Variants in CCNJL observed in about 807,000 individuals in gnomAD.
The protein encoded by CCNJL is cyclin J like.
In CCNJL, 33 loss-of-function variants were observed where a neutral mutation model predicts 33.4. The observed-to-expected ratio is 0.99, with a 90% CI of 0.75 to 1.32. CCNJL has a LOEUF of 1.32. CCNJL is among the 40% of genes most tolerant of loss of function. The pLI is 0.00. For missense variants in CCNJL, 512 were observed against 499.7 expected (o/e 1.02, Z -0.23); for synonymous variants, 227 against 220.9 (o/e 1.03, Z -0.24).
intron 2 of CCNJL, among the ~76,000 whole-genome samples, chr5:160,303,380 A>G (rs1402058760): frequency 2.0e-5 from 3 of 151,988 alleles, no homozygotes; most frequent in African/African-American, 7.2e-5. Context: ...TAATTTTTGT[A>G]GTTTTAGTAG....
chr5:160,281,890 A>C (rs898762208), intron 2 of CCNJL, among the ~76,000 whole-genome samples: 5 of 152,186 alleles, frequency 3.3e-5, no homozygotes, highest in Non-Finnish European at 7.3e-5. Flanking sequence ...CCTGACCTCA[A>C]GCGATCCTTC....
chr5:160,262,285 TCCTCCTCC>T (rs934686474), intron 3 of CCNJL, among the ~76,000 whole-genome samples: 1 of 152,152 alleles, frequency 6.6e-6, no homozygotes, highest in African/African-American at 2.4e-5. Flanking sequence ...CAGATTAGTT[TCCTCCTCC>T]CCTCCTCGCT....
At chr5:160,284,899 C>T (rs1476358516) in intron 2 of CCNJL, among the ~76,000 whole-genome samples, 2 of 151,948 alleles carry the variant, frequency 1.3e-5, no homozygotes, top group African/African-American at 4.8e-5. Context: ...CTTGGGCTTA[C>T]CAGAAAACTT....
At chr5:160,277,086 C>T (rs1232611655) in intron 3 of CCNJL, among the ~76,000 whole-genome samples, 1 of 152,136 alleles carries the variant, frequency 6.6e-6, no homozygotes, top group Non-Finnish European at 1.5e-5. Context: ...AGCCACCGTG[C>T]CTGGTTGTAT....
intron 2 of CCNJL, among the ~76,000 whole-genome samples, chr5:160,285,374 C>A (rs564796822): frequency 6.6e-6 from 1 of 152,080 alleles, no homozygotes; most frequent in African/African-American, 2.4e-5. Flanking sequence ...TACTTCAGCA[C>A]CCCAGTGTGA....
chr5:160,308,514 T>C (rs1309441593), intron 2 of CCNJL, among the ~76,000 whole-genome samples: 5 of 152,152 alleles, frequency 3.3e-5, no homozygotes, highest in African/African-American at 1.2e-4. Context: ...TCCCAGGACT[T>C]TGGGAGGCCG....
chr5:160,321,120 TC>T (rs1763457710), intron 1 of CCNJL, among the ~76,000 whole-genome samples: 2 of 150,040 alleles, frequency 1.3e-5, no homozygotes, highest in South Asian at 4.2e-4. Flanking sequence ...CTCTTTTTTT[TC>T]CACCATGTGG....
chr5:160,321,014 CTTTCTTTCTT>C (rs1438964426), intron 1 of CCNJL, among the ~76,000 whole-genome samples: 2,927 of 34,914 alleles, frequency 0.084, 35 homozygotes, highest in Non-Finnish European at 0.1. Flanking sequence ...CTCTCTCTCT[CTTTCTTTCTT>C]TCTTTCTTTC....
Position 160,253,397 on chromosome 5 carries a change from G to A in CCNJL, c.1145C>T (p.Thr382Ile). The A allele has an allele frequency of 6.3e-7, 1 of 1,587,902 alleles. No homozygotes were observed. The highest frequency in any genetic ancestry group is 8.6e-7 in the Non-Finnish European group (1 of 1,164,334). The change falls in exon 6 of 6, where the codon ACC becomes ATC. Residue 382 changes from threonine (T) to isoleucine (I), a missense_variant. Thr to Ile is a moderately conservative substitution (Grantham distance 89, BLOSUM62 -1). Transcript: ENST00000257536. ...GGTGGCCTATCTGTCAAAGCAGCCG[G>A]TGGGGAACATGTGGCTCCCACTGAA... ...SYFSGSHMFP[T>I]GCFDR
intron 4 of CCNJL, among the ~76,000 whole-genome samples, chr5:160,257,368 G>A (rs1317089206): frequency 6.6e-6 from 1 of 152,082 alleles, no homozygotes; most frequent in Non-Finnish European, 1.5e-5. Context: ...CCAGCTACTC[G>A]GGAGGCTGAG....
intron 2 of CCNJL, among the ~76,000 whole-genome samples, chr5:160,309,194 T>G (rs550841760): frequency 5.9e-5 from 9 of 152,338 alleles, no homozygotes; most frequent in Admixed American, 4.6e-4. Flanking sequence ...GAATGGATGA[T>G]AGGGGCCAGA....
At chr5:160,270,563 T>A (rs2113301993) in intron 3 of CCNJL, among the ~76,000 whole-genome samples, 1 of 151,978 alleles carries the variant, frequency 6.6e-6, no homozygotes, top group Middle Eastern at 3.4e-3. Context: ...AGTGACAGAG[T>A]GAGATCCTGC....
intron 2 of CCNJL, among the ~76,000 whole-genome samples, chr5:160,289,261 G>A (rs1561794885): frequency 6.6e-6 from 1 of 152,160 alleles, no homozygotes; most frequent in South Asian, 2.1e-4. Context: ...CATGAGGGAC[G>A]GAGCTGCTTT....
chr5:160,307,029 T>C (rs1763115705), intron 2 of CCNJL, among the ~76,000 whole-genome samples: 1 of 152,262 alleles, frequency 6.6e-6, no homozygotes. Flanking sequence ...CAGTCAATGC[T>C]GTGCCCACAC....
rs1235676969 is a variant in CCNJL, at chr5:160,249,661, G to A, written c.*3717C>T. ...GCCTGTAGTCCCAGCTACTCAGGAG[G>A]CTGAGGTGGGAGGATCACTTGAGCC... is the stretch of plus-strand genomic sequence containing the variant. On this transcript the variant is annotated 3_prime_UTR_variant, in exon 6 of 6. Coordinates refer to ENST00000257536, the MANE Select transcript of CCNJL (RefSeq NM_001308173.3). 6.6e-6 allele frequency: 1 copy of A among 152,026 alleles called. No individual in the cohort carries two copies. The highest frequency in any genetic ancestry group is 2.4e-5 in the African/African-American group (1 of 41,380). 9.4% of individuals were successfully genotyped at this position (152,026 alleles called of 1,614,324 possible). A position where few individuals can be genotyped will look rare whatever the true frequency, so the allele number is the denominator to read the frequency against.
chr5:160,277,273 T>TC (rs1561786535), intron 3 of CCNJL, among the ~76,000 whole-genome samples: 6 of 152,072 alleles, frequency 3.9e-5, no homozygotes, highest in Admixed American at 2.6e-4. Context: ...GTGCCTGGCA[T>TC]GGGGTCCAGC....
intron 2 of CCNJL, among the ~76,000 whole-genome samples, chr5:160,300,227 C>T (rs182830717): frequency 1.5e-3 from 228 of 152,232 alleles, no homozygotes; most frequent in Admixed American, 3.4e-3. Context: ...ATTCTGCCTC[C>T]GAAGGATCCA....
intron 1 of CCNJL, among the ~76,000 whole-genome samples, chr5:160,337,177 A>T (rs1300285713): frequency 5.0e-5 from 7 of 139,528 alleles, no homozygotes; most frequent in African/African-American, 8.0e-5. Context: ...CAAATTTTTG[A>T]TTTTTTTTTT....
At chr5:160,259,309 T>C (rs547947243) in intron 4 of CCNJL, among the ~76,000 whole-genome samples, 160 bp downstream of exon 4, 1 of 152,358 alleles carries the variant, frequency 6.6e-6, no homozygotes, top group South Asian at 2.1e-4. Flanking sequence ...ATCCTTGCCC[T>C]TTCTTTGCTT....
Sources: allele counts gnomAD v4.1 joint callset (sites outside exome capture counted in the v4.1 genomes callset), GRCh38; gene constraint gnomAD v4.1.1; transcripts MANE v1.5; gene names NCBI Gene and HGNC (gene_info 2026-07-23, HGNC 2026-07-21).